Variants in TAF1B observed in about 807,000 individuals in gnomAD.
TAF1B encodes the protein TATA box-binding protein-associated factor RNA polymerase I subunit B.
In TAF1B, 61 loss-of-function variants were observed where a neutral mutation model predicts 83.9. That is an observed-to-expected ratio of 0.73 (90% confidence interval 0.59 to 0.90). The LOEUF (loss-of-function observed/expected upper bound fraction) is 0.90, where lower values mean the gene tolerates loss of function less well. Ranked by LOEUF, TAF1B falls within the 40% of genes least tolerant of loss-of-function variation. The pLI is 0.00. For missense variants in TAF1B, 625 were observed against 677.0 expected (o/e 0.92, Z 0.85); for synonymous variants, 221 against 224.6 (o/e 0.98, Z 0.14).
At chr2:9,882,440 C>T (rs1224284014) in intron 7 of TAF1B, among the ~76,000 whole-genome samples, 1 of 152,278 alleles carries the variant, frequency 6.6e-6, no homozygotes, top group East Asian at 1.9e-4. Flanking sequence ...GGGGTACAAG[C>T]ATGTGCCACT....
chr2:9,887,842 G>T (rs1299588416), intron 8 of TAF1B, among the ~76,000 whole-genome samples: 5 of 150,122 alleles, frequency 3.3e-5, no homozygotes, highest in South Asian at 2.1e-4. Flanking sequence ...AGAATTTTTT[G>T]TTGTTGTTGT....
At chr2:9,889,955 A>T (rs1457421417) in intron 8 of TAF1B, among the ~76,000 whole-genome samples, 1 of 152,116 alleles carries the variant, frequency 6.6e-6, no homozygotes, top group African/African-American at 2.4e-5. Context: ...CTGGCCTCAG[A>T]TATTTTCTCA....
chr2:9,931,970 T>C (rs1666227548), intron 14 of TAF1B, among the ~76,000 whole-genome samples: 1 of 152,242 alleles, frequency 6.6e-6, no homozygotes, highest in Non-Finnish European at 1.5e-5. Context: ...CTATTGAAGC[T>C]TGTGCATGTG....
intron 2 of TAF1B, among the ~76,000 whole-genome samples, chr2:9,848,684 G>T (rs56147664): frequency 0.05 from 7,571 of 150,916 alleles, 275 homozygotes; most frequent in South Asian, 0.081. Context: ...AAAAGAAAAA[G>T]ACTCAATAAT....
intron 14 of TAF1B, among the ~76,000 whole-genome samples, chr2:9,928,124 G>A (rs77317723): frequency 6.6e-6 from 1 of 152,088 alleles, no homozygotes; most frequent in Non-Finnish European, 1.5e-5. Context: ...ATAGGGAATC[G>A]TTTCCCCACT....
intron 5 of TAF1B, among the ~76,000 whole-genome samples, chr2:9,866,024 G>C (rs1278777924): frequency 6.6e-6 from 1 of 151,824 alleles, no homozygotes; most frequent in Non-Finnish European, 1.5e-5. Flanking sequence ...ACATAGGCAT[G>C]GGCAAGGACT....
intron 4 of TAF1B, among the ~76,000 whole-genome samples, chr2:9,852,355 A>G (rs1334121094): frequency 6.6e-6 from 1 of 152,206 alleles, no homozygotes; most frequent in Non-Finnish European, 1.5e-5. Context: ...TTAAAAAGCC[A>G]GTTATTTAGC....
intron 2 of TAF1B, among the ~76,000 whole-genome samples, chr2:9,847,582 A>G (rs1183837174): frequency 6.6e-6 from 1 of 152,170 alleles, no homozygotes; most frequent in African/African-American, 2.4e-5. Context: ...ACGCTCTGCA[A>G]TCTGGGAAAG....
At chr2:9,928,839 A>C (rs574682410) in intron 14 of TAF1B, among the ~76,000 whole-genome samples, 45 of 152,290 alleles carry the variant, frequency 3.0e-4, no homozygotes, top group African/African-American at 1.0e-3. Context: ...CTCCTAATTG[A>C]ATACCTTTTA....
chr2:9,891,313 T>C (rs1241796527), intron 8 of TAF1B, among the ~76,000 whole-genome samples: 1 of 152,238 alleles, frequency 6.6e-6, no homozygotes, highest in African/African-American at 2.4e-5. Flanking sequence ...TATATAATTA[T>C]GTGTGATACA....
intron 4 of TAF1B, among the ~76,000 whole-genome samples, chr2:9,853,440 C>T (rs916193652): frequency 2.6e-5 from 4 of 151,324 alleles, no homozygotes; most frequent in African/African-American, 4.9e-5. Flanking sequence ...TAGTAGATGA[C>T]GAATAAATGG....
At chr2:9,864,125 C>A (rs1220881539) in intron 5 of TAF1B, among the ~76,000 whole-genome samples, 1 of 152,020 alleles carries the variant, frequency 6.6e-6, no homozygotes, top group Non-Finnish European at 1.5e-5. Flanking sequence ...AATAGAGACA[C>A]AAAAAACCCT....
At chr2:9,890,652 T>C (rs1384238403) in intron 8 of TAF1B, among the ~76,000 whole-genome samples, 2 of 152,240 alleles carry the variant, frequency 1.3e-5, no homozygotes, top group African/African-American at 4.8e-5. Flanking sequence ...TTAATACATG[T>C]ATGGGGTACA....
At position 9,858,811 on chromosome 2, in the gene TAF1B, C is replaced by T. The variant is rs529516903; in HGVS notation, c.399+4390C>T. ...GAGCTGGAGTGGCTGGGATGCAGGG[C>T]GCCATATCCTGAGGCTGCACAAAGT... is the stretch of plus-strand genomic sequence containing the variant. On this transcript the variant is annotated intron_variant, in intron 5 of 14. Transcript: ENST00000263663. Among the ~76,000 whole-genome samples the T allele has an allele frequency of 2.4e-4, 37 of 152,302 alleles. No individual in the cohort carries two copies. The East Asian group carries it at 2.9e-3, about 12-fold the overall frequency.
chr2:9,907,401 G>GATCT (rs1172574731), intron 9 of TAF1B, among the ~76,000 whole-genome samples: 1 of 151,920 alleles, frequency 6.6e-6, no homozygotes, highest in Non-Finnish European at 1.5e-5. Context: ...AAAAAGAAGA[G>GATCT]ATCTATGTAT....
At chr2:9,927,482 T>C (rs4668656) in intron 14 of TAF1B, among the ~76,000 whole-genome samples, 77,642 of 152,112 alleles carry the variant, frequency 0.51, 22,899 homozygotes, top group Non-Finnish European at 0.68. Context: ...TTTACAGTCC[T>C]ACCAATAGTG....
chr2:9,861,404 C>T (rs963634265), intron 5 of TAF1B, among the ~76,000 whole-genome samples: 5 of 152,192 alleles, frequency 3.3e-5, no homozygotes, highest in African/African-American at 7.2e-5. Flanking sequence ...TGGGGAGGGG[C>T]GCCCGCCATT....
chr2:9,882,977 T>G (rs1269283408), intron 8 of TAF1B, among the ~76,000 whole-genome samples, 172 bp downstream of exon 8: 2 of 152,220 alleles, frequency 1.3e-5, no homozygotes, highest in African/African-American at 4.8e-5. Context: ...TTTCCTTATG[T>G]GGATTCCTCT....
In TAF1B at chr2:9,849,469, T is replaced by C; in HGVS notation, c.205+9T>C. On this transcript the variant is annotated intron_variant, in intron 3 of 14. Coordinates refer to ENST00000263663, the MANE Select transcript of TAF1B (RefSeq NM_005680.3). ...AAAAAAAAACAATACTGGTAAGTTC[T>C]TTCTTCATATGTACTTAACATTCTT... 1 of 1,519,890 alleles carries C rather than the reference T, an allele frequency of 6.6e-7. No individual in the cohort carries two copies. The highest frequency in any genetic ancestry group is 2.3e-5 in the East Asian group (1 of 43,732). The allele number at this position is 1,519,890 out of a possible 1,614,324, so 94.2% of individuals were successfully genotyped here.
Sources: allele counts gnomAD v4.1 joint callset (sites outside exome capture counted in the v4.1 genomes callset), GRCh38; gene constraint gnomAD v4.1.1; transcripts MANE v1.5; gene names NCBI Gene and HGNC (gene_info 2026-07-23, HGNC 2026-07-21).